NPNT: variants seen among roughly 807,000 people sequenced by gnomAD.
NPNT encodes the protein nephronectin.
Under a neutral mutation model 68.6 loss-of-function variants are expected in NPNT, and 45 were observed. That is an observed-to-expected ratio of 0.66 (90% confidence interval 0.52 to 0.84). NPNT has a LOEUF of 0.84. NPNT is among the 40% of genes least tolerant of loss of function. NPNT has a pLI of 0.00. For missense variants in NPNT, 672 were observed against 714.8 expected (o/e 0.94, Z 0.68); for synonymous variants, 233 against 253.3 (o/e 0.92, Z 0.76).
In NPNT at chr4:105,971,639, A is replaced by T. The variant is rs1178177889; in HGVS notation, c.*2649A>T. On this transcript the variant is annotated 3_prime_UTR_variant, in exon 12 of 12. Coordinates refer to ENST00000379987, the MANE Select transcript of NPNT (RefSeq NM_001033047.3). ...GTTTTCCAAATGGCCTAATAAAAAC[A>T]ATTATTTGTAAATAAAAACACTGTT... The T allele has an allele frequency of 1.3e-5, 2 of 153,022 alleles. No homozygotes were observed. Among genetic ancestry groups the T allele is most frequent in the Admixed American group, 6.5e-5 (1 of 15,346 alleles). 9.5% of individuals were successfully genotyped at this position (153,022 alleles called of 1,614,324 possible).
chr4:105,904,683 A>G (rs1283937211), intron 2 of NPNT, among the ~76,000 whole-genome samples: 2 of 150,874 alleles, frequency 1.3e-5, no homozygotes, highest in African/African-American at 2.5e-5. Context: ...TAGTTTAGCC[A>G]TAATTTTTTT....
At chr4:105,941,026 C>CT (rs1380755674) in intron 7 of NPNT, among the ~76,000 whole-genome samples, 7 of 152,020 alleles carry the variant, frequency 4.6e-5, no homozygotes, top group Admixed American at 3.9e-4. Context: ...TGTTTTATTG[C>CT]TCCTAACTCT....
chr4:105,956,815 C>A (rs953282724), intron 8 of NPNT, among the ~76,000 whole-genome samples: 3 of 152,082 alleles, frequency 2.0e-5, no homozygotes, highest in African/African-American at 7.2e-5. Context: ...TCAGCTGTGT[C>A]CCTAGAGCTT....
chr4:105,951,313 T>C (rs1463316145), intron 8 of NPNT, among the ~76,000 whole-genome samples: 2 of 152,230 alleles, frequency 1.3e-5, no homozygotes, highest in African/African-American at 2.4e-5. Context: ...TCATTGTTGC[T>C]GTTATTACGC....
intron 2 of NPNT, among the ~76,000 whole-genome samples, chr4:105,922,740 T>C (rs180954122): frequency 5.6e-4 from 85 of 152,206 alleles, no homozygotes; most frequent in African/African-American, 2.0e-3. Flanking sequence ...GATTTAGAGG[T>C]TATTTTGAGG....
chr4:105,935,727 T>TG (rs1169593360), intron 3 of NPNT, among the ~76,000 whole-genome samples: 1 of 152,194 alleles, frequency 6.6e-6, no homozygotes, highest in South Asian at 2.1e-4. Flanking sequence ...TGCTTACAGT[T>TG]GCATTCAGGG....
rs775533327 is a variant in NPNT at position 105,958,570 on chromosome 4, C to T, written c.1246+13C>T. 1.5e-6 allele frequency: 2 copies of T among 1,372,436 alleles called. No homozygotes were observed. Among genetic ancestry groups the T allele is most frequent in the South Asian group, 1.2e-5 (1 of 81,282 alleles). 85.0% of individuals were successfully genotyped at this position (1,372,436 alleles called of 1,614,324 possible). On this transcript the variant is annotated intron_variant, in intron 9 of 11. Coordinates refer to ENST00000379987, the MANE Select transcript of NPNT (RefSeq NM_001033047.3). ...AAGGATGATCCAGGTGACACTTACACTCTTAGTGCCATCATAATGACATTT... is the reference window on the plus strand; with the variant it reads ...AAGGATGATCCAGGTGACACTTACATTCTTAGTGCCATCATAATGACATTT...
intron 2 of NPNT, among the ~76,000 whole-genome samples, chr4:105,919,114 A>G (rs1728040394): frequency 1.3e-5 from 2 of 152,190 alleles, no homozygotes; most frequent in South Asian, 2.1e-4. Context: ...CTGTGTATTC[A>G]TGTTATTGTA....
intron 8 of NPNT, among the ~76,000 whole-genome samples, chr4:105,954,710 T>A (rs561945055): frequency 6.6e-6 from 1 of 152,288 alleles, no homozygotes; most frequent in African/African-American, 2.4e-5. Context: ...TCCCCTCTCT[T>A]TTCATTCTCC....
chr4:105,964,562 T>C (rs1237456982), intron 10 of NPNT, among the ~76,000 whole-genome samples: 1 of 152,248 alleles, frequency 6.6e-6, no homozygotes, highest in African/African-American at 2.4e-5. Flanking sequence ...ATTTTCAAAA[T>C]CTTTGCCAAT....
At chr4:105,940,659 C>A (rs1729874162) in intron 7 of NPNT, 23 bp downstream of exon 7, 1 of 1,606,512 alleles carries the variant, frequency 6.2e-7, no homozygotes, top group Non-Finnish European at 8.5e-7. Context: ...TGTCTCTCAG[C>A]TTTAAATTCT....
At chr4:105,925,390 A>T (rs1205025122) in intron 2 of NPNT, among the ~76,000 whole-genome samples, 1 of 152,126 alleles carries the variant, frequency 6.6e-6, no homozygotes, top group Non-Finnish European at 1.5e-5. Flanking sequence ...GGGATGACAA[A>T]CAGGCAAGGA....
At chr4:105,926,856 T>C (rs1364912350) in intron 2 of NPNT, among the ~76,000 whole-genome samples, 1 of 152,202 alleles carries the variant, frequency 6.6e-6, no homozygotes, top group Non-Finnish European at 1.5e-5. Context: ...TTGTTTCATT[T>C]TGAATCCTTT....
intron 2 of NPNT, among the ~76,000 whole-genome samples, chr4:105,918,072 C>T (rs1002352952): frequency 8.5e-5 from 13 of 152,232 alleles, no homozygotes; most frequent in African/African-American, 2.9e-4. Context: ...ACTTACATGA[C>T]CAATCTCTTA....
In NPNT at chr4:105,970,264, T is replaced by C; in HGVS notation, c.*1274T>C. 1 of 580,488 alleles carries C rather than the reference T, an allele frequency of 1.7e-6. No individual in the cohort carries two copies. Among genetic ancestry groups the C allele is most frequent in the Non-Finnish European group, 3.1e-6 (1 of 325,078 alleles). 36.0% of individuals were successfully genotyped at this position (580,488 alleles called of 1,614,324 possible). A position where few individuals can be genotyped will look rare whatever the true frequency, so the allele number is the denominator to read the frequency against. On this transcript the variant is annotated 3_prime_UTR_variant, in exon 12 of 12. Transcript: ENST00000379987. ...AAGATCCATGAACCCCCAACTGTAT[T>C]TCCTCCCTGCATATTTTACCAATAT...
intron 7 of NPNT, among the ~76,000 whole-genome samples, 171 bp from the exon 8 acceptor site, chr4:105,942,136 T>TATATATATATATATATATATAGAC (rs140603677): frequency 8.6e-4 from 127 of 147,684 alleles, no homozygotes; most frequent in African/African-American, 3.1e-3. Context: ...TATATATATA[T>TATATATATATATATATATATAGAC]ACACACATAT....
At chr4:105,917,368 C>G (rs545001496) in intron 2 of NPNT, among the ~76,000 whole-genome samples, 2 of 152,238 alleles carry the variant, frequency 1.3e-5, no homozygotes, top group South Asian at 4.1e-4. Flanking sequence ...AAAGTTTTTC[C>G]TGGTATCTTT....
intron 8 of NPNT, among the ~76,000 whole-genome samples, chr4:105,953,299 T>C (rs1730972290): frequency 6.6e-6 from 1 of 152,250 alleles, no homozygotes; most frequent in South Asian, 2.1e-4. Flanking sequence ...TAGCAATGTC[T>C]ATGCTCCACC....
chr4:105,958,526 C>A lies in NPNT; in HGVS notation c.1215C>A (p.Val405=), dbSNP rs370419908. 2 of 1,609,522 alleles carry A rather than the reference C, an allele frequency of 1.2e-6. No homozygotes were observed. The highest frequency in any genetic ancestry group is 2.7e-5 in the African/African-American group (2 of 74,784). Residue 405 remains valine, a synonymous_variant, in exon 9 of 12, where the codon GTC becomes GTA. Coordinates refer to ENST00000379987, the MANE Select transcript of NPNT (RefSeq NM_001033047.3). ...LFEIFEIERG[V]SADDEAKDDP... ...AAATATTTGAAATAGAAAGAGGAGT[C>A]AGTGCAGACGATGAAGCAAAGGATG...
Sources: gnomAD v4.1 joint callset for allele counts (sites outside exome capture counted in the v4.1 genomes callset) on GRCh38, gnomAD v4.1.1 for gene constraint, MANE v1.5 for transcripts, NCBI Gene and HGNC (gene_info 2026-07-23, HGNC 2026-07-21) for gene names.